Variants in VTI1A observed in about 807,000 individuals in gnomAD.
VTI1A encodes vesicle transport through interaction with t-SNAREs homolog 1A.
A neutral mutation model predicts 34.9 loss-of-function variants in VTI1A; 22 were observed. That is an observed-to-expected ratio of 0.63 (90% CI 0.45 to 0.90). VTI1A has a LOEUF of 0.90. Ranked by LOEUF, VTI1A falls within the 40% of genes least tolerant of loss-of-function variation. The probability of loss-of-function intolerance (pLI) is 0.00; values close to 1 mark genes in which losing one functional copy is unlikely to be tolerated. For synonymous variants in VTI1A, 87 were observed against 97.3 expected (o/e 0.89, Z 0.62); for missense variants, 268 against 275.6 (o/e 0.97, Z 0.20).
intron 5 of VTI1A, among the ~76,000 whole-genome samples, chr10:112,608,450 T>C (rs1845171597): frequency 6.6e-6 from 1 of 152,182 alleles, no homozygotes; most frequent in East Asian, 1.9e-4. Context: ...CCACTTGGAC[T>C]ATAGTTTTTA....
At chr10:112,500,592 G>A (rs146789022) in intron 3 of VTI1A, among the ~76,000 whole-genome samples, 9 of 152,248 alleles carry the variant, frequency 5.9e-5, no homozygotes, top group East Asian at 5.8e-4. Flanking sequence ...CTTTCCACTG[G>A]GAGGAACATA....
chr10:112,787,321 G>C (rs1031659607), intron 7 of VTI1A, among the ~76,000 whole-genome samples: 1 of 151,920 alleles, frequency 6.6e-6, no homozygotes, highest in Non-Finnish European at 1.5e-5. Context: ...AAGTTTATCA[G>C]TTTTGTTGAT....
chr10:112,648,093 T>C (rs1249865583), intron 5 of VTI1A, among the ~76,000 whole-genome samples: 3 of 152,250 alleles, frequency 2.0e-5, no homozygotes, highest in Non-Finnish European at 2.9e-5. Context: ...AAGAGAACAT[T>C]GAGATCATCT....
intron 7 of VTI1A, among the ~76,000 whole-genome samples, chr10:112,784,506 A>T (rs554650209): frequency 6.6e-6 from 1 of 152,258 alleles, no homozygotes; most frequent in East Asian, 1.9e-4. Context: ...ATGTTGACAA[A>T]CTCATTTGGA....
At chr10:112,500,443 A>AAAAAG (rs1260685098) in intron 3 of VTI1A, among the ~76,000 whole-genome samples, 19 of 152,336 alleles carry the variant, frequency 1.2e-4, no homozygotes, top group Middle Eastern at 3.4e-3. Flanking sequence ...AAAAAAGAAA[A>AAAAAG]AAAAGAAAAG....
intron 5 of VTI1A, among the ~76,000 whole-genome samples, chr10:112,590,242 ATACT>A (rs1448011460): frequency 6.6e-6 from 1 of 152,206 alleles, no homozygotes; most frequent in Non-Finnish European, 1.5e-5. Flanking sequence ...ATGAAAATGT[ATACT>A]TAGTGAATCA....
intron 7 of VTI1A, among the ~76,000 whole-genome samples, chr10:112,809,389 C>G (rs1461644480): frequency 6.6e-6 from 1 of 152,192 alleles, no homozygotes; most frequent in Admixed American, 6.5e-5. Context: ...AGAAGCAGAT[C>G]CGGGTTCCTC....
intron 3 of VTI1A, among the ~76,000 whole-genome samples, chr10:112,504,382 A>G (rs75780477): frequency 0.031 from 4,671 of 152,272 alleles, 113 homozygotes; most frequent in Middle Eastern, 0.054. Context: ...TGCTTTAAAC[A>G]ACAACAAAAT....
At chr10:112,694,786 T>A (rs1848724553) in intron 7 of VTI1A, among the ~76,000 whole-genome samples, 1 of 152,042 alleles carries the variant, frequency 6.6e-6, no homozygotes, top group South Asian at 2.1e-4. Flanking sequence ...CTGGCCAACA[T>A]AGTGAAACCC....
chr10:112,584,732 G>A (rs964326208), intron 5 of VTI1A, among the ~76,000 whole-genome samples: 14 of 152,158 alleles, frequency 9.2e-5, no homozygotes, highest in African/African-American at 2.7e-4. Context: ...GCACCAACCC[G>A]TGGAGTATAG....
intron 4 of VTI1A, among the ~76,000 whole-genome samples, chr10:112,531,005 G>GC (rs1484386664): frequency 6.6e-6 from 1 of 151,540 alleles, no homozygotes; most frequent in Non-Finnish European, 1.5e-5. Flanking sequence ...AACAGAGACA[G>GC]CAGTCGCGTT....
intron 7 of VTI1A, among the ~76,000 whole-genome samples, chr10:112,713,661 A>G (rs1209054774): frequency 1.3e-5 from 2 of 152,224 alleles, no homozygotes; most frequent in Non-Finnish European, 2.9e-5. Flanking sequence ...CAAGAATGTA[A>G]GTAATTATAC....
At chr10:112,709,682 C>CTTTTTTTTT (rs57081938) in intron 7 of VTI1A, among the ~76,000 whole-genome samples, 1 of 70,284 alleles carries the variant, frequency 1.4e-5, no homozygotes, top group African/African-American at 6.5e-5. Flanking sequence ...CTCTATGTGG[C>CTTTTTTTTT]TTTTTTTTTT....
At chr10:112,509,762 T>C (rs895361489) in intron 3 of VTI1A, among the ~76,000 whole-genome samples, 14 of 152,208 alleles carry the variant, frequency 9.2e-5, no homozygotes, top group Admixed American at 2.0e-4. Context: ...GGTCAGCAGC[T>C]GTTTATTGAT....
At chr10:112,685,705 C>T (rs1848379860) in intron 7 of VTI1A, among the ~76,000 whole-genome samples, 1 of 152,132 alleles carries the variant, frequency 6.6e-6, no homozygotes, top group Non-Finnish European at 1.5e-5. Context: ...TTCCCATCAA[C>T]CTCATGTTAT....
intron 5 of VTI1A, among the ~76,000 whole-genome samples, chr10:112,631,514 A>G (rs755223798): frequency 3.9e-5 from 6 of 152,200 alleles, no homozygotes; most frequent in Non-Finnish European, 5.9e-5. Context: ...GAATCCTACA[A>G]CATGTGACCT....
chr10:112,690,130 G>A lies in VTI1A; in HGVS notation c.560+21132G>A, dbSNP rs190750360. Among the ~76,000 whole-genome samples, 4 of 140,022 alleles carry A rather than the reference G, an allele frequency of 2.9e-5. No individual in the cohort carries two copies. In the East Asian group the frequency reaches 6.3e-4, roughly 22 times the overall value. 91.9% of individuals were successfully genotyped at this position (140,022 alleles called of 152,430 possible). ...TTTAATTGCTGAGTAATATTCCAGA[G>A]TGGGGGTATACTACAATTTATCTAT... On this transcript the variant is annotated intron_variant, in intron 7 of 7. Coordinates refer to ENST00000393077, the MANE Select transcript of VTI1A (RefSeq NM_145206.4).
rs529664231 is a variant in VTI1A, at chr10:112,497,331, T to A, written c.265-29756T>A. Among the ~76,000 whole-genome samples the A allele has an allele frequency of 1.2e-3, 175 of 150,952 alleles. 1 individual carries two copies. The highest frequency in any genetic ancestry group is 0.01 in the Middle Eastern group (3 of 292). On this transcript the variant is annotated intron_variant, in intron 3 of 7. Coordinates refer to ENST00000393077, the MANE Select transcript of VTI1A (RefSeq NM_145206.4). ...AGACTCCGTCTCAAAAAAAAAAAAA[T>A]AATAATAATAAATAAAGTGATACAA... is the stretch of plus-strand genomic sequence containing the variant.
intron 3 of VTI1A, among the ~76,000 whole-genome samples, chr10:112,518,575 CTCTCTCTCTCTCTCTATATA>C (rs1309771005): frequency 1.1e-4 from 12 of 113,514 alleles, no homozygotes; most frequent in African/African-American, 3.9e-4. Context: ...CTCTCTCTCT[CTCTCTCTCTCTCTCTATATA>C]TATATATATA....
Sources: gnomAD v4.1 joint callset for allele counts (sites outside exome capture counted in the v4.1 genomes callset) on GRCh38, gnomAD v4.1.1 for gene constraint, MANE v1.5 for transcripts, NCBI Gene and HGNC (gene_info 2026-07-23, HGNC 2026-07-21) for gene names.